DDX39B: variants seen among roughly 807,000 people sequenced by gnomAD.
DDX39B encodes the protein spliceosome RNA helicase DDX39B.
DDX39B carries 6 observed loss-of-function variants against 46.4 expected under a neutral mutation model. That is an observed-to-expected ratio of 0.13 (90% confidence interval 0.07 to 0.26). The LOEUF (loss-of-function observed/expected upper bound fraction) is 0.26. DDX39B is among the 10% of genes least tolerant of loss of function. The pLI is 1.00. For synonymous variants in DDX39B, 174 were observed against 199.4 expected (o/e 0.87, Z 1.07); for missense variants, 185 against 553.4 (o/e 0.33, Z 6.68).
intron 3 of DDX39B, 53 bp from the exon 4 acceptor site, chr6:31,538,908 CCTCT>C: frequency 6.3e-7 from 1 of 1,575,588 alleles, no homozygotes; most frequent in Non-Finnish European, 8.7e-7. Context: ...TTCATTATCC[CCTCT>C]AGGGAAGTGA....
chr6:31,532,596 C>T (rs1767296358), intron 7 of DDX39B, 184 bp downstream of exon 7: 1 of 684,752 alleles, frequency 1.5e-6, no homozygotes. Context: ...CATACCCGTG[C>T]CAGCCATAGA....
At position 31,540,675 on chromosome 6, in the gene DDX39B, G is replaced by GAA; in HGVS notation, c.-132-13_-132-12dup. On this transcript the variant is annotated splice_polypyrimidine_tract_variant and intron_variant, in intron 1 of 10. Coordinates refer to ENST00000396172, the MANE Select transcript of DDX39B (RefSeq NM_004640.7). ...TTTCTAACAGAAGAGCTGGAGGGGG[G>GAA]AAAAAAAAAAGCAAGACTTAATCAC... 1.6e-6 allele frequency: 1 copy of GAA among 633,208 alleles called. No homozygotes were observed. Among genetic ancestry groups the GAA allele is most frequent in the Non-Finnish European group, 2.7e-6 (1 of 376,298 alleles). 39.2% of individuals were successfully genotyped at this position (633,208 alleles called of 1,614,324 possible). A position where few individuals can be genotyped will look rare whatever the true frequency, so the allele number is the denominator to read the frequency against.
intron 1 of DDX39B, chr6:31,541,095 C>T (rs1249146285): frequency 1.9e-6 from 1 of 533,570 alleles, no homozygotes; most frequent in South Asian, 1.4e-5. Context: ...GGATGCCTAA[C>T]TCAGCAGCCA....
chr6:31,530,929 G>A lies in DDX39B; in HGVS notation c.1123-3C>T. 3 of 1,614,122 alleles carry A rather than the reference G, an allele frequency of 1.9e-6. No individual in the cohort carries two copies. Among genetic ancestry groups the A allele is most frequent in the Admixed American group, 1.7e-5 (1 of 60,026 alleles). On this transcript the variant is annotated splice_region_variant and splice_polypyrimidine_tract_variant and intron_variant, in intron 9 of 10. Transcript: ENST00000396172. The surrounding 1 kb of genome is among the most constrained non-coding windows in gnomAD (Gnocchi z 4.5). ...CCAAACCGGCCTGCTCTGGCCACCT[G>A]GAGGGAGACAGAGGGTAGCACTGGA... is the stretch of plus-strand genomic sequence containing the variant.
In DDX39B at chr6:31,531,620, GCA is replaced by G. The variant is rs1344371478; in HGVS notation, c.868-217_868-216del. On this transcript the variant is annotated intron_variant, in intron 7 of 10. Coordinates refer to ENST00000396172, the MANE Select transcript of DDX39B (RefSeq NM_004640.7). The surrounding 1 kb of genome is among the most constrained non-coding windows in gnomAD (Gnocchi z 5.8). ...CCTAAGGAAGCTGGCCTCTGAGGTA[GCA>G]CAGAGTTCAGAAATCAAAATTGCCA... is the stretch of plus-strand genomic sequence containing the variant. The G allele has an allele frequency of 1.1e-5, 6 of 560,538 alleles. No homozygotes were observed. In the South Asian group the frequency reaches 1.2e-4, roughly 11 times the overall value. The allele number at this position is 560,538 out of a possible 1,614,324, so 34.7% of individuals were successfully genotyped here.
At chr6:31,536,334 T>C (rs1330248174) in intron 5 of DDX39B, 166 bp downstream of exon 5, 13 of 952,278 alleles carry the variant, frequency 1.4e-5, no homozygotes, top group Non-Finnish European at 2.0e-5. Context: ...CACCCTTTAC[T>C]GTGCTTAAAA....
In DDX39B at chr6:31,540,538, G is replaced by A. The variant is rs1169817206; in HGVS notation, c.-6C>T. 1.2e-6 allele frequency: 2 copies of A among 1,613,468 alleles called. No homozygotes were observed. The highest frequency in any genetic ancestry group is 1.7e-6 in the Non-Finnish European group (2 of 1,179,778). ...TCCACATCGTTCTCTGCCATAACTGGGCCGGCAGGGGAAGAAGGGAAGGGG... is the reference window on the plus strand; with the variant it reads ...TCCACATCGTTCTCTGCCATAACTGAGCCGGCAGGGGAAGAAGGGAAGGGG... On this transcript the variant is annotated 5_prime_UTR_variant, in exon 2 of 11. Coordinates refer to ENST00000396172, the MANE Select transcript of DDX39B (RefSeq NM_004640.7).
In DDX39B at chr6:31,534,468, C is replaced by T. The variant is rs916595943; in HGVS notation, c.735+899G>A. The T allele has an allele frequency of 4.2e-6, 2 of 470,966 alleles. No homozygotes were observed. Among genetic ancestry groups the T allele is most frequent in the South Asian group, 1.5e-5 (1 of 64,558 alleles). The allele number at this position is 470,966 out of a possible 1,614,324, so 29.2% of individuals were successfully genotyped here. ...CTAGCCCCAAACCCTAACAACCACC[C>T]GATTACATCCACTTTACCTTTCCTA... On this transcript the variant is annotated intron_variant, in intron 6 of 10. Transcript: ENST00000396172. The surrounding 1 kb of genome is among the most constrained non-coding windows in gnomAD (Gnocchi z 5.1).
intron 2 of DDX39B, 107 bp downstream of exon 2, chr6:31,540,215 T>G: frequency 7.9e-7 from 1 of 1,267,860 alleles, no homozygotes; most frequent in Non-Finnish European, 1.1e-6. Context: ...GGCCCTGATC[T>G]AGCCTTAAGT....
At chr6:31,536,078 C>G (rs1424629006) in intron 5 of DDX39B, among the ~76,000 whole-genome samples, 1 of 152,202 alleles carries the variant, frequency 6.6e-6, no homozygotes, top group Non-Finnish European at 1.5e-5. Flanking sequence ...CTGCTACAAA[C>G]ACTCTCTACA....
At chr6:31,541,526 A>G in intron 1 of DDX39B, 2 of 409,580 alleles carry the variant, frequency 4.9e-6, no homozygotes, top group Non-Finnish European at 1.0e-5. Context: ...GGTGAGAAAA[A>G]TCCAACTGGG....
At position 31,535,537 on chromosome 6, in the gene DDX39B, C is replaced by CA; in HGVS notation, c.617-53dup. On this transcript the variant is annotated intron_variant, in intron 5 of 10. Coordinates refer to ENST00000396172, the MANE Select transcript of DDX39B (RefSeq NM_004640.7). The surrounding 1 kb of genome is among the most constrained non-coding windows in gnomAD (Gnocchi z 4.6). Reference sequence around the variant, plus strand: ...GGAGAAAATAAGCAGGTATGATAAACAAAGATTAGAGGTAGACTTCCCAGT... The same window carrying CA: ...GGAGAAAATAAGCAGGTATGATAAACAAAAGATTAGAGGTAGACTTCCCAGT... The CA allele has an allele frequency of 6.8e-7, 1 of 1,469,730 alleles. No homozygotes were observed. Among genetic ancestry groups the CA allele is most frequent in the East Asian group, 2.3e-5 (1 of 43,938 alleles). The allele number at this position is 1,469,730 out of a possible 1,614,324, so 91.0% of individuals were successfully genotyped here. A position where few individuals can be genotyped will look rare whatever the true frequency, so the allele number is the denominator to read the frequency against.
rs1299547593 is a variant in DDX39B, at chr6:31,540,546, G to C, written c.-14C>G. 4 of 1,613,462 alleles carry C rather than the reference G, an allele frequency of 2.5e-6. No individual in the cohort carries two copies. The Admixed American group carries it at 5.0e-5, about 20-fold the overall frequency. ...GTTCTCTGCCATAACTGGGCCGGCA[G>C]GGGAAGAAGGGAAGGGGGATCTGGA... On this transcript the variant is annotated 5_prime_UTR_variant, in exon 2 of 11. Transcript: ENST00000396172.
At chr6:31,540,095 G>A (rs1768238676) in intron 2 of DDX39B, among the ~76,000 whole-genome samples, 1 of 152,188 alleles carries the variant, frequency 6.6e-6, no homozygotes, top group Non-Finnish European at 1.5e-5. Flanking sequence ...TGTAGAGACA[G>A]GAGTCTCGCT....
rs1457623147 is a variant in DDX39B at position 31,535,415 on chromosome 6, A to G, written c.687T>C (p.Ala229=). ...CTGGACGGATCTCTTTGCTCAAGGT[A>G]GCACTGAACATCATGACCTGCTTCT... is the stretch of plus-strand genomic sequence containing the variant. ...PHEKQVMMFS[A]TLSKEIRPVC... The change falls in exon 6 of 11, where the codon GCT becomes GCC. Residue 229 remains alanine (A), a synonymous_variant. Coordinates refer to ENST00000396172, the MANE Select transcript of DDX39B (RefSeq NM_004640.7). This position sits in a 1 kb window ranked among gnomAD's most constrained non-coding sequence, Gnocchi z 4.6. 1.9e-6 allele frequency: 3 copies of G among 1,613,504 alleles called. No homozygotes were observed. Among genetic ancestry groups the G allele is most frequent in the Non-Finnish European group, 2.5e-6 (3 of 1,180,034 alleles).
chr6:31,536,427 G>A (rs781117143), intron 5 of DDX39B, 73 bp downstream of exon 5: 9 of 1,604,308 alleles, frequency 5.6e-6, no homozygotes, highest in Middle Eastern at 1.6e-4. Flanking sequence ...AGGTGCTCCT[G>A]TTTCAAATAA....
In DDX39B at chr6:31,530,786, G is replaced by A. The variant is rs1225593270; in HGVS notation, c.1263C>T (p.Ser421=). The change falls in exon 10 of 11, where the codon TCC becomes TCT. Residue 421 remains serine (S), a synonymous_variant. Transcript: ENST00000396172. The surrounding 1 kb of genome is among the most constrained non-coding windows in gnomAD (Gnocchi z 4.5). ...CATGAGATCAGTACTCACTGTAGGA[G>A]GAGATGTCTATCTCATCAGGCAGCT... ...ISELPDEIDI[S]SYIEQTR 1.2e-6 allele frequency: 2 copies of A among 1,612,262 alleles called. No individual in the cohort carries two copies. The highest frequency in any genetic ancestry group is 2.2e-5 in the East Asian group (1 of 44,904).
At chr6:31,532,500 C>G (rs570936783) in intron 7 of DDX39B, 9 of 314,264 alleles carry the variant, frequency 2.9e-5, no homozygotes, top group African/African-American at 1.9e-4. Flanking sequence ...TCAGCCTCCC[C>G]AAGTGCTGGG....
chr6:31,534,631 C>T lies in DDX39B; in HGVS notation c.735+736G>A, dbSNP rs1582943480. ...GCACGCGTTGGGTTCAGGAAAAAAA[C>T]CGGGAACGGAAAAAGAGGCTGGTTT... is the stretch of plus-strand genomic sequence containing the variant. On this transcript the variant is annotated intron_variant, in intron 6 of 10. Coordinates refer to ENST00000396172, the MANE Select transcript of DDX39B (RefSeq NM_004640.7). The surrounding 1 kb of genome is among the most constrained non-coding windows in gnomAD (Gnocchi z 5.1). 5.4e-6 allele frequency: 2 copies of T among 370,946 alleles called. No individual in the cohort carries two copies. The highest frequency in any genetic ancestry group is 2.1e-5 in the African/African-American group (1 of 46,774). The allele number at this position is 370,946 out of a possible 1,614,324, so 23.0% of individuals were successfully genotyped here.
Sources: gnomAD v4.1 joint callset for allele counts (sites outside exome capture counted in the v4.1 genomes callset) on GRCh38, gnomAD v4.1.1 for gene constraint, Gnocchi (gnomAD v3.1) non-coding constraint, MANE v1.5 for transcripts, NCBI Gene and HGNC (gene_info 2026-07-23, HGNC 2026-07-21) for gene names.